CRB1: variants seen among roughly 807,000 people sequenced by gnomAD.
The protein encoded by CRB1 is protein crumbs homolog 1.
A neutral mutation model predicts 120.0 loss-of-function variants in CRB1; 83 were observed. That is an observed-to-expected ratio of 0.69 (90% CI 0.58 to 0.83). The LOEUF (loss-of-function observed/expected upper bound fraction) is 0.83, where lower values mean the gene tolerates loss of function less well. CRB1 is among the 40% of genes least tolerant of loss of function. The pLI is 0.00. For synonymous variants in CRB1, 625 were observed against 612.5 expected (o/e 1.02, Z -0.30); for missense variants, 1,699 against 1,687.6 (o/e 1.01, Z -0.12).
chr1:197,449,451 C>G (rs575098890), intron 11 of CRB1, among the ~76,000 whole-genome samples: 4 of 152,270 alleles, frequency 2.6e-5, no homozygotes, highest in African/African-American at 9.6e-5. Context: ...ACTGCAAGCT[C>G]CGCCTGCCGG....
At chr1:197,423,378 A>C (rs1314580313) in intron 6 of CRB1, among the ~76,000 whole-genome samples, 2 of 152,002 alleles carry the variant, frequency 1.3e-5, no homozygotes, top group Admixed American at 6.6e-5. Flanking sequence ...GTTTCCTTAT[A>C]CTCCAACATT....
At chr1:197,209,013 T>C in the CRB1 span, among the ~76,000 whole-genome samples, 2,153 of 152,230 alleles carry the variant, frequency 0.014, 52 homozygotes, top group African/African-American at 0.046. Flanking sequence ...GAGAGAAAGC[T>C]GGCACTTACA....
intron 1 of CRB1, among the ~76,000 whole-genome samples, chr1:197,318,270 A>G (rs1279766814): frequency 6.6e-6 from 1 of 152,200 alleles, no homozygotes; most frequent in Non-Finnish European, 1.5e-5. Flanking sequence ...ATCATCAGGG[A>G]AAGGCAAATC....
intron 11 of CRB1, among the ~76,000 whole-genome samples, chr1:197,477,055 T>C (rs1268972866): frequency 6.6e-6 from 1 of 152,230 alleles, no homozygotes; most frequent in Non-Finnish European, 1.5e-5. Context: ...TGCTGCTAGA[T>C]ACTTGGATTC....
chr1:197,446,470 T>C (rs1665707581), intron 11 of CRB1, among the ~76,000 whole-genome samples: 2 of 152,112 alleles, frequency 1.3e-5, no homozygotes, highest in South Asian at 2.1e-4. Flanking sequence ...GATGGGGCTG[T>C]CGAAAGAAGC....
intron 5 of CRB1, among the ~76,000 whole-genome samples, chr1:197,384,081 T>G (rs1267299126): frequency 1.3e-5 from 2 of 152,188 alleles, no homozygotes; most frequent in East Asian, 3.8e-4. Flanking sequence ...ACCAACATCC[T>G]TAAGTTAGAA....
At chr1:197,315,254 TCA>T (rs1362675713) in intron 1 of CRB1, among the ~76,000 whole-genome samples, 1 of 152,176 alleles carries the variant, frequency 6.6e-6, no homozygotes, top group East Asian at 1.9e-4. Flanking sequence ...TGTCATTCCA[TCA>T]CAATGGCCAA....
chr1:197,307,250 A>T (rs1428811584), intron 1 of CRB1, among the ~76,000 whole-genome samples: 1 of 152,170 alleles, frequency 6.6e-6, no homozygotes, highest in African/African-American at 2.4e-5. Context: ...TGTATTTCTA[A>T]GCAGCTAAAA....
At chr1:197,296,353 A>C (rs1033261793) in intron 1 of CRB1, among the ~76,000 whole-genome samples, 48 of 152,070 alleles carry the variant, frequency 3.2e-4, no homozygotes, top group African/African-American at 1.1e-3. Flanking sequence ...TATGAAGCTT[A>C]ATTGACATCA....
At chr1:197,408,469 G>A (rs1663532482) in intron 5 of CRB1, among the ~76,000 whole-genome samples, 1 of 152,094 alleles carries the variant, frequency 6.6e-6, no homozygotes, top group African/African-American at 2.4e-5. Flanking sequence ...GATTGTGGAG[G>A]GCCTTGAATG....
At chr1:197,398,989 A>G (rs1662923347) in intron 5 of CRB1, among the ~76,000 whole-genome samples, 1 of 151,122 alleles carries the variant, frequency 6.6e-6, no homozygotes, top group East Asian at 1.9e-4. Flanking sequence ...ATAGTTGTCT[A>G]TTTCTTTCAG....
In CRB1 at chr1:197,438,775, A is replaced by G. The variant is rs142680051; in HGVS notation, c.3878+100A>G. On this transcript the variant is annotated intron_variant, in intron 10 of 11. Transcript: ENST00000367400. ...CCTCTAATTTTTTATCTCAGTTCCC[A>G]TAGGAAAATCTATGCTGAAATAGAG... 1.1e-4 allele frequency: 155 copies of G among 1,459,408 alleles called. No individual in the cohort carries two copies. In the African/African-American group the frequency reaches 1.9e-3, roughly 18 times the overall value. The allele number at this position is 1,459,408 out of a possible 1,614,324, so 90.4% of individuals were successfully genotyped here.
chr1:197,222,430 C>A, the CRB1 span: 28 of 768,422 alleles, frequency 3.6e-5, no homozygotes, highest in Admixed American at 4.8e-4. Flanking sequence ...CGTCCTCGGG[C>A]TACCGTCATG....
chr1:197,268,553 A>T, intron 1 of CRB1, 71 bp downstream of exon 1: 1 of 1,113,510 alleles, frequency 9.0e-7, no homozygotes, highest in African/African-American at 1.5e-5. Flanking sequence ...CAAATAATGG[A>T]TAATGTTGCA....
At chr1:197,242,930 A>G in the CRB1 span, among the ~76,000 whole-genome samples, 145 of 152,032 alleles carry the variant, frequency 9.5e-4, 1 homozygote, top group Non-Finnish European at 1.7e-3. Context: ...GAATTTATCC[A>G]TTTCTTCTAG....
chr1:197,442,958 C>T (rs930669839), intron 11 of CRB1: 9 of 154,636 alleles, frequency 5.8e-5, no homozygotes, highest in African/African-American at 1.9e-4. Context: ...AAACCTGTCT[C>T]TACTAAAAAT....
the CRB1 span, among the ~76,000 whole-genome samples, chr1:197,250,572 A>G: frequency 3.3e-5 from 5 of 151,982 alleles, no homozygotes; most frequent in African/African-American, 7.2e-5. Context: ...TGGTTGATAT[A>G]CGTTATACCA....
chr1:197,420,052 C>G (rs953239662), intron 5 of CRB1, among the ~76,000 whole-genome samples: 2 of 148,908 alleles, frequency 1.3e-5, no homozygotes, highest in Non-Finnish European at 1.5e-5. Flanking sequence ...TGCTTTGGAA[C>G]TTAGACTTCA....
At chr1:197,318,099 A>G (rs943229402) in intron 1 of CRB1, among the ~76,000 whole-genome samples, 1 of 152,182 alleles carries the variant, frequency 6.6e-6, no homozygotes, top group African/African-American at 2.4e-5. Context: ...AAAACTCTAC[A>G]TCTAATAAGG....
Sources: allele counts gnomAD v4.1 joint callset (sites outside exome capture counted in the v4.1 genomes callset), GRCh38; gene constraint gnomAD v4.1.1; transcripts MANE v1.5; gene names NCBI Gene and HGNC (gene_info 2026-07-23, HGNC 2026-07-21).